Variants in ARMC7 observed in about 807,000 individuals in gnomAD.
ARMC7 encodes armadillo repeat-containing protein 7.
A neutral mutation model predicts 14.8 loss-of-function variants in ARMC7; 9 were observed. The observed-to-expected ratio is 0.61, with a 90% CI of 0.37 to 1.06. ARMC7 has a LOEUF of 1.06. ARMC7 is among the 50% of genes least tolerant of loss of function. The pLI, the probability that ARMC7 is intolerant of heterozygous loss-of-function variation, is 0.01. For synonymous variants in ARMC7, 125 were observed against 123.4 expected, an observed-to-expected ratio of 1.01 and a Z score of -0.09; for missense variants, 262 against 267.1, an observed-to-expected ratio of 0.98 and a Z score of 0.13.
chr17:75,110,646 A>AG (rs778304137), intron 2 of ARMC7, 40 bp downstream of exon 2: 61 of 1,610,544 alleles, frequency 3.8e-5, no homozygotes, highest in East Asian at 3.1e-4. Context: ...TAAATGGGCC[A>AG]GGGTGAGATA....
chr17:75,125,664 C>G (rs748614793), intron 2 of ARMC7, among the ~76,000 whole-genome samples: 22 of 151,418 alleles, frequency 1.5e-4, no homozygotes, highest in Non-Finnish European at 1.8e-4. Context: ...ATGGCGAAAC[C>G]CTGTCTCTAC....
chr17:75,121,263 A>G (rs1408526497), intron 2 of ARMC7, among the ~76,000 whole-genome samples: 1 of 152,164 alleles, frequency 6.6e-6, no homozygotes, highest in African/African-American at 2.4e-5. Flanking sequence ...TCATACAAAT[A>G]TGTACTCATT....
chr17:75,113,577 A>C (rs8066097), intron 2 of ARMC7, among the ~76,000 whole-genome samples: 92,266 of 151,366 alleles, frequency 0.61, 28,598 homozygotes, highest in South Asian at 0.73. Flanking sequence ...GGATGGGCTC[A>C]ATCTCCTGAC....
intron 2 of ARMC7, among the ~76,000 whole-genome samples, chr17:75,122,251 C>T (rs971713235): frequency 6.6e-6 from 1 of 151,622 alleles, no homozygotes; most frequent in Admixed American, 6.6e-5. Context: ...CAGAGAACCC[C>T]GGAGGTGGAG....
chr17:75,122,438 C>T (rs577217972), intron 2 of ARMC7, among the ~76,000 whole-genome samples: 13 of 151,770 alleles, frequency 8.6e-5, no homozygotes, highest in Middle Eastern at 3.4e-3. Context: ...CTCGGCTCAC[C>T]GCAACCTCCG....
intron 2 of ARMC7, among the ~76,000 whole-genome samples, chr17:75,125,237 G>A (rs540715850): frequency 1.4e-4 from 22 of 152,302 alleles, no homozygotes; most frequent in East Asian, 3.9e-4. Context: ...GACCATCTGC[G>A]GTTCTTTGAA....
rs1399100304 is a variant in ARMC7 at position 75,130,194 on chromosome 17, C to T, written c.*1156C>T. On this transcript the variant is annotated 3_prime_UTR_variant, in exon 3 of 3. Coordinates refer to ENST00000245543, the MANE Select transcript of ARMC7 (RefSeq NM_024585.4). ...TCAGCACCCGCTCAGGGAGCCTGTC[C>T]CTTTATGTTCCCAAATAAAGGGTCC... 1 of 362,916 alleles carries T rather than the reference C, an allele frequency of 2.8e-6. No individual in the cohort carries two copies. The highest frequency in any genetic ancestry group is 5.1e-6 in the Non-Finnish European group (1 of 195,916). 22.5% of individuals were successfully genotyped at this position (362,916 alleles called of 1,614,324 possible).
intron 2 of ARMC7, among the ~76,000 whole-genome samples, chr17:75,117,450 G>A (rs953952633): frequency 1.3e-5 from 2 of 152,202 alleles, no homozygotes; most frequent in Non-Finnish European, 2.9e-5. Context: ...CAAATTCCCA[G>A]ATGGCTTATG....
rs1055221002 is a variant in ARMC7, at chr17:75,130,165, C to T, written c.*1127C>T. On this transcript the variant is annotated 3_prime_UTR_variant, in exon 3 of 3. Transcript: ENST00000245543. ...ACTGGACTCAGAGGGGAGGGAAGGG[C>T]TCATCAGCACCCGCTCAGGGAGCCT... 1.0e-5 allele frequency: 3 copies of T among 289,254 alleles called. No individual in the cohort carries two copies. Among genetic ancestry groups the T allele is most frequent in the Non-Finnish European group, 2.0e-5 (3 of 150,920 alleles). 17.9% of individuals were successfully genotyped at this position (289,254 alleles called of 1,614,324 possible). A position where few individuals can be genotyped will look rare whatever the true frequency, so the allele number is the denominator to read the frequency against.
chr17:75,114,799 A>C, intron 2 of ARMC7: 1 of 398,368 alleles, frequency 2.5e-6, no homozygotes, highest in East Asian at 3.6e-5. Context: ...TGTTGCAATG[A>C]AATTTCAACA....
rs2074078531 is a variant in ARMC7, at chr17:75,129,029, G to A, written c.588G>A (p.Arg196=). The change falls in exon 3 of 3, where the codon CGG becomes CGA. Residue 196 remains arginine (R), a synonymous_variant. Transcript: ENST00000245543. ...CACTGCCGAGGAGCGTGGCCCCACG[G>A]CAGCGCTGATCCATGGAGACTGCGA... ...GIPLPRSVAP[R]QR 2 of 1,596,776 alleles carry A rather than the reference G, an allele frequency of 1.3e-6. No individual in the cohort carries two copies. The highest frequency in any genetic ancestry group is 1.7e-6 in the Non-Finnish European group (2 of 1,178,480).
rs548859080 is a variant in ARMC7, at chr17:75,120,631, G to C, written c.236-8046G>C. On this transcript the variant is annotated intron_variant, in intron 2 of 2. Transcript: ENST00000245543. ...AGATCAAGACCATCCTGGCTAATAC[G>C]GTGAAACCCCATCTCTACTAAAAAT... Among the ~76,000 whole-genome samples, 4 of 151,974 alleles carry C rather than the reference G, an allele frequency of 2.6e-5. No homozygotes were observed. The South Asian group carries it at 8.3e-4, about 32-fold the overall frequency.
At chr17:75,128,527 T>C in intron 2 of ARMC7, 150 bp from the exon 3 acceptor site, 1 of 1,148,350 alleles carries the variant, frequency 8.7e-7, no homozygotes. Context: ...TTCTGGAAAC[T>C]TGAGAAGGCA....
Position 75,129,116 on chromosome 17 carries a change from A to C in ARMC7, c.*78A>C. The C allele has an allele frequency of 1.3e-6, 2 of 1,500,832 alleles. No homozygotes were observed. The highest frequency in any genetic ancestry group is 1.8e-6 in the Non-Finnish European group (2 of 1,128,726). 93.0% of individuals were successfully genotyped at this position (1,500,832 alleles called of 1,614,324 possible). ...GATGTGGACGCAGGGAACGGGGAGC[A>C]CATACTGCCCCATTGGTGCCTTTTC... On this transcript the variant is annotated 3_prime_UTR_variant, in exon 3 of 3. Transcript: ENST00000245543.
At chr17:75,115,213 G>A (rs1293027913) in intron 2 of ARMC7, among the ~76,000 whole-genome samples, 1 of 152,158 alleles carries the variant, frequency 6.6e-6, no homozygotes, top group South Asian at 2.1e-4. Flanking sequence ...TGGCACAGTG[G>A]AGAGCTGAGT....
In ARMC7 at chr17:75,130,239, G is replaced by T; in HGVS notation, c.*1201G>T. 1 of 530,682 alleles carries T rather than the reference G, an allele frequency of 1.9e-6. No individual in the cohort carries two copies. The highest frequency in any genetic ancestry group is 3.4e-6 in the Non-Finnish European group (1 of 295,842). The allele number at this position is 530,682 out of a possible 1,614,324, so 32.9% of individuals were successfully genotyped here. A position where few individuals can be genotyped will look rare whatever the true frequency, so the allele number is the denominator to read the frequency against. On this transcript the variant is annotated 3_prime_UTR_variant, in exon 3 of 3. Transcript: ENST00000245543. ...GGGTCCTAGAAGACTAGAAAGCCAA[G>T]GTCTTTTATTAAAGGTCCCGACTGG... is the stretch of plus-strand genomic sequence containing the variant.
At chr17:75,123,911 C>CA (rs943946529) in intron 2 of ARMC7, among the ~76,000 whole-genome samples, 14 of 148,374 alleles carry the variant, frequency 9.4e-5, no homozygotes, top group Admixed American at 2.0e-4. Context: ...GGCTCATACT[C>CA]AAAAAAAAAA....
intron 2 of ARMC7, among the ~76,000 whole-genome samples, chr17:75,118,517 C>T (rs966903536): frequency 2.0e-5 from 3 of 152,218 alleles, no homozygotes; most frequent in African/African-American, 4.8e-5. Context: ...AGTTGCCCGC[C>T]GTCGGCACCG....
chr17:75,124,282 C>G (rs2074035075), intron 2 of ARMC7, among the ~76,000 whole-genome samples: 1 of 152,216 alleles, frequency 6.6e-6, no homozygotes, highest in Non-Finnish European at 1.5e-5. Context: ...GTCCAAGCAG[C>G]TGGTGAGCTC....
Sources: gnomAD v4.1 joint callset for allele counts (sites outside exome capture counted in the v4.1 genomes callset) on GRCh38, gnomAD v4.1.1 for gene constraint, MANE v1.5 for transcripts, NCBI Gene and HGNC (gene_info 2026-07-23, HGNC 2026-07-21) for gene names.